The following DLGAP1 variants were observed in gnomAD, a reference collection of about 807,000 sequenced individuals.
DLGAP1 encodes disks large-associated protein 1.
Under a neutral mutation model 90.8 loss-of-function variants are expected in DLGAP1, and 11 were observed. The observed-to-expected ratio is 0.12, with a 90% CI of 0.08 to 0.20. The LOEUF (loss-of-function observed/expected upper bound fraction) is 0.20, where lower values mean the gene tolerates loss of function less well. Ranked by LOEUF, DLGAP1 falls within the 10% of genes least tolerant of loss-of-function variation. DLGAP1 has a pLI of 1.00. For synonymous variants in DLGAP1, 558 were observed against 540.7 expected (o/e 1.03, Z -0.44); for missense variants, 1,050 against 1,333.8 (o/e 0.79, Z 3.31).
chr18:4,144,042 C>CT (rs2076539427), intron 2 of DLGAP1, among the ~76,000 whole-genome samples: 1 of 152,228 alleles, frequency 6.6e-6, no homozygotes, highest in South Asian at 2.1e-4. Flanking sequence ...AGAAGTCTCT[C>CT]TTAGGGTGTG....
rs1443634429 is a variant in DLGAP1 at position 3,600,785 on chromosome 18, T to G, written c.1592-18537A>C. Among the ~76,000 whole-genome samples the G allele has an allele frequency of 1.3e-4, 10 of 74,082 alleles. 1 individual carries two copies. Among genetic ancestry groups the G allele is most frequent in the African/African-American group, 2.5e-4 (4 of 15,776 alleles). The allele number at this position is 74,082 out of a possible 152,430, so 48.6% of individuals were successfully genotyped here. On this transcript the variant is annotated intron_variant, in intron 7 of 12. Transcript: ENST00000315677. ...ATATAGATATATATAGATATATAGATATATATAGATATATAGATATATAGA... is the reference window on the plus strand; with the variant it reads ...ATATAGATATATATAGATATATAGAGATATATAGATATATAGATATATAGA...
At chr18:4,242,578 A>G (rs1317711224) in intron 1 of DLGAP1, among the ~76,000 whole-genome samples, 3 of 152,190 alleles carry the variant, frequency 2.0e-5, no homozygotes, top group African/African-American at 7.2e-5. Flanking sequence ...ATGCTCATTC[A>G]AAAATTCTTT....
chr18:3,821,966 C>A (rs1165589232), intron 4 of DLGAP1: 1 of 983,760 alleles, frequency 1.0e-6, no homozygotes, highest in Non-Finnish European at 1.2e-6. Context: ...TTGACAAATG[C>A]GACTTGGCTT....
chr18:4,285,018 A>G (rs2079650650), intron 1 of DLGAP1, among the ~76,000 whole-genome samples: 1 of 152,120 alleles, frequency 6.6e-6, no homozygotes, highest in African/African-American at 2.4e-5. Flanking sequence ...GATGTTATTT[A>G]CTTTTTGTAA....
chr18:3,819,970 C>A (rs187503443), intron 4 of DLGAP1, among the ~76,000 whole-genome samples: 6 of 152,162 alleles, frequency 3.9e-5, no homozygotes, highest in Non-Finnish European at 7.3e-5. Context: ...GATGTAGGAA[C>A]GCTTAGTTTT....
At chr18:3,698,495 A>G (rs2061169905) in intron 7 of DLGAP1, among the ~76,000 whole-genome samples, 1 of 152,138 alleles carries the variant, frequency 6.6e-6, no homozygotes, top group Admixed American at 6.6e-5. Flanking sequence ...CCTTTCTTTA[A>G]GAATGTTGAA....
At chr18:4,246,345 G>A (rs149621735) in intron 1 of DLGAP1, among the ~76,000 whole-genome samples, 25 of 152,256 alleles carry the variant, frequency 1.6e-4, no homozygotes, top group African/African-American at 6.0e-4. Context: ...AGAATTTCTA[G>A]GACAAAGCAT....
At chr18:4,435,502 G>A (rs974784423) in intron 1 of DLGAP1, among the ~76,000 whole-genome samples, 1 of 152,006 alleles carries the variant, frequency 6.6e-6, no homozygotes, top group African/African-American at 2.4e-5. Flanking sequence ...GGGGAAGAGA[G>A]GGGAAACGGA....
At chr18:3,754,300 C>A (rs1338439872) in intron 5 of DLGAP1, among the ~76,000 whole-genome samples, 1 of 152,170 alleles carries the variant, frequency 6.6e-6, no homozygotes, top group Non-Finnish European at 1.5e-5. Context: ...CCGTACTCAG[C>A]CTCCTACTTC....
chr18:4,351,044 A>C (rs766010439), intron 1 of DLGAP1, among the ~76,000 whole-genome samples: 1 of 152,190 alleles, frequency 6.6e-6, no homozygotes, highest in Non-Finnish European at 1.5e-5. Context: ...GATTGACTAA[A>C]GTAATCTCCA....
chr18:4,083,361 T>C (rs1182727587), intron 2 of DLGAP1, among the ~76,000 whole-genome samples: 3 of 152,204 alleles, frequency 2.0e-5, no homozygotes, highest in African/African-American at 7.2e-5. Flanking sequence ...ATAAAAACAG[T>C]GTGTCTTTTT....
In DLGAP1 at chr18:3,574,779, TTTTTATTTTATTTTATTTTA is replaced by T. The variant is rs71366687; in HGVS notation, c.1965+7076_1965+7095del. Among the ~76,000 whole-genome samples, 113 of 140,974 alleles carry T rather than the reference TTTTTATTTTATTTTATTTTA, an allele frequency of 8.0e-4. 1 individual carries two copies. Among genetic ancestry groups the T allele is most frequent in the South Asian group, 3.6e-3 (15 of 4,182 alleles). 92.5% of individuals were successfully genotyped at this position (140,974 alleles called of 152,430 possible). The stretch of plus-strand genomic sequence containing the variant: ...AATTATGAATCCAAGATAATGTGCC[TTTTTATTTTATTTTATTTTA>T]TTTTATTTTATTTTATTTTATTTTA... On this transcript the variant is annotated intron_variant, in intron 8 of 12. Transcript: ENST00000315677.
At chr18:4,053,994 A>C (rs1043657944) in intron 2 of DLGAP1, among the ~76,000 whole-genome samples, 4 of 152,198 alleles carry the variant, frequency 2.6e-5, no homozygotes, top group Non-Finnish European at 5.9e-5. Flanking sequence ...CTGGTCTTAT[A>C]ACTCTTTAAT....
At position 3,635,622 on chromosome 18, in the gene DLGAP1, C is replaced by T. The variant is rs563035439; in HGVS notation, c.1592-53374G>A. Among the ~76,000 whole-genome samples the T allele has an allele frequency of 1.2e-3, 183 of 151,696 alleles. 3 individuals carry two copies. Among genetic ancestry groups the T allele is most frequent in the African/African-American group, 4.3e-3 (177 of 41,300 alleles). On this transcript the variant is annotated intron_variant, in intron 7 of 12. Transcript: ENST00000315677. ...ATACTCACCAGCAGATGGCCACCAT[C>T]TCTGTCTTGCAGTCAGTTACTTGCT...
At chr18:4,172,129 T>C (rs1206758490) in intron 1 of DLGAP1, among the ~76,000 whole-genome samples, 1 of 152,178 alleles carries the variant, frequency 6.6e-6, no homozygotes, top group African/African-American at 2.4e-5. Context: ...CAAAGACAGC[T>C]GATTAGAAAG....
chr18:4,348,530 A>G (rs2081345784), intron 1 of DLGAP1, among the ~76,000 whole-genome samples: 1 of 152,058 alleles, frequency 6.6e-6, no homozygotes, highest in African/African-American at 2.4e-5. Flanking sequence ...ACCTAGAAGC[A>G]ATGGCAGAAG....
chr18:3,644,724 TATTA>T (rs2059059565), intron 7 of DLGAP1, among the ~76,000 whole-genome samples: 1 of 152,194 alleles, frequency 6.6e-6, no homozygotes, highest in African/African-American at 2.4e-5. Flanking sequence ...ATTATTTATT[TATTA>T]AAGCACTGTA....
intron 2 of DLGAP1, among the ~76,000 whole-genome samples, chr18:4,005,973 G>C (rs932929056): frequency 1.3e-5 from 2 of 152,118 alleles, no homozygotes; most frequent in Admixed American, 1.3e-4. Flanking sequence ...AGAGACAGTT[G>C]TTCACTCCTC....
At chr18:3,721,187 T>C (rs1016442564) in intron 7 of DLGAP1, among the ~76,000 whole-genome samples, 7 of 152,222 alleles carry the variant, frequency 4.6e-5, no homozygotes, top group Admixed American at 2.0e-4. Context: ...ATTGTTCACA[T>C]CTTTGCTCTA....
Sources: allele counts gnomAD v4.1 joint callset (sites outside exome capture counted in the v4.1 genomes callset), GRCh38; gene constraint gnomAD v4.1.1; transcripts MANE v1.5; gene names NCBI Gene and HGNC (gene_info 2026-07-23, HGNC 2026-07-21).